Variants in TENM4 observed in about 807,000 individuals in gnomAD.
TENM4 encodes the protein teneurin-4.
Under a neutral mutation model 243.3 loss-of-function variants are expected in TENM4, and 82 were observed. That is an observed-to-expected ratio of 0.34 (90% CI 0.28 to 0.40). TENM4 has a LOEUF of 0.40. Ranked by LOEUF, TENM4 falls within the 10% of genes least tolerant of loss-of-function variation. The pLI, the probability that TENM4 is intolerant of heterozygous loss-of-function variation, is 1.00. For synonymous variants in TENM4, 1,412 were observed against 1,456.3 expected, an observed-to-expected ratio of 0.97 and a Z score of 0.69; for missense variants, 3,138 against 3,673.3, an observed-to-expected ratio of 0.85 and a Z score of 3.77.
chr11:79,164,515 A>G (rs1463606006), intron 3 of TENM4, among the ~76,000 whole-genome samples: 1 of 140,970 alleles, frequency 7.1e-6, no homozygotes, highest in African/African-American at 2.7e-5. Flanking sequence ...TACACTATAC[A>G]TACTATATAT....
At chr11:79,437,677 G>A (rs868135762) in intron 1 of TENM4, among the ~76,000 whole-genome samples, 2 of 152,208 alleles carry the variant, frequency 1.3e-5, no homozygotes, top group African/African-American at 2.4e-5. Context: ...GGCCACGAGG[G>A]GCTGGGGCGA....
At chr11:79,118,906 C>A (rs1342878559) in intron 4 of TENM4, among the ~76,000 whole-genome samples, 1 of 152,100 alleles carries the variant, frequency 6.6e-6, no homozygotes, top group Non-Finnish European at 1.5e-5. Context: ...GCTTTTAATT[C>A]TTTTGGGTTC....
chr11:79,244,262 C>T (rs1056010706), intron 2 of TENM4, among the ~76,000 whole-genome samples: 15 of 152,152 alleles, frequency 9.9e-5, no homozygotes, highest in African/African-American at 3.4e-4. Flanking sequence ...GTGGCTCCAC[C>T]GGGGGTGAGC....
chr11:78,960,576 C>T (rs1857298214), intron 6 of TENM4, among the ~76,000 whole-genome samples: 1 of 152,164 alleles, frequency 6.6e-6, no homozygotes, highest in Admixed American at 6.5e-5. Context: ...TTGTCCCCAC[C>T]TCAAGTTCTT....
intron 6 of TENM4, among the ~76,000 whole-genome samples, chr11:79,052,636 G>A (rs1210784376): frequency 1.3e-5 from 2 of 152,152 alleles, no homozygotes; most frequent in African/African-American, 2.4e-5. Flanking sequence ...GGGATGTGGC[G>A]AGGGAGGGAG....
At chr11:79,098,226 C>T (rs865964190) in intron 4 of TENM4, among the ~76,000 whole-genome samples, 5 of 151,562 alleles carry the variant, frequency 3.3e-5, no homozygotes, top group African/African-American at 7.3e-5. Context: ...CCCCCACCCC[C>T]CCCCATCTCC....
At chr11:79,019,383 A>G (rs749601520) in intron 6 of TENM4, among the ~76,000 whole-genome samples, 23 of 152,192 alleles carry the variant, frequency 1.5e-4, no homozygotes, top group Non-Finnish European at 2.8e-4. Context: ...TGGAGGTCAC[A>G]GAGTAGAAGA....
chr11:79,206,086 T>G (rs1863845850), intron 3 of TENM4, among the ~76,000 whole-genome samples: 1 of 152,214 alleles, frequency 6.6e-6, no homozygotes, highest in Admixed American at 6.5e-5. Flanking sequence ...TCTGGGCAAG[T>G]GCTTAGGGAA....
At chr11:79,049,034 A>C (rs1260059398) in intron 6 of TENM4, among the ~76,000 whole-genome samples, 1 of 152,186 alleles carries the variant, frequency 6.6e-6, no homozygotes, top group Non-Finnish European at 1.5e-5. Context: ...ATGTATGCCT[A>C]CGTAGGTGTC....
At chr11:79,207,312 T>A (rs915311460) in intron 3 of TENM4, among the ~76,000 whole-genome samples, 7 of 152,174 alleles carry the variant, frequency 4.6e-5, no homozygotes, top group African/African-American at 1.7e-4. Flanking sequence ...AATAATAATA[T>A]CCCAACTAAC....
chr11:78,844,371 C>T (rs753950474), intron 12 of TENM4, among the ~76,000 whole-genome samples: 12 of 152,128 alleles, frequency 7.9e-5, no homozygotes, highest in South Asian at 2.1e-4. Flanking sequence ...AGGCCGGGTG[C>T]GGTGGCTCAT....
At chr11:78,955,059 C>G (rs1052053979) in intron 6 of TENM4, among the ~76,000 whole-genome samples, 4 of 152,222 alleles carry the variant, frequency 2.6e-5, no homozygotes, top group African/African-American at 9.6e-5. Context: ...ACTGAGCTCA[C>G]ATGATAGCAG....
chr11:79,426,371 C>G (rs1380188038), intron 1 of TENM4, among the ~76,000 whole-genome samples: 1 of 152,150 alleles, frequency 6.6e-6, no homozygotes, highest in Non-Finnish European at 1.5e-5. Context: ...CTCCCTGACT[C>G]ACTGGTAGAG....
intron 1 of TENM4, among the ~76,000 whole-genome samples, chr11:79,379,431 A>G (rs964688714): frequency 6.6e-6 from 1 of 152,172 alleles, no homozygotes; most frequent in Non-Finnish European, 1.5e-5. Flanking sequence ...CGTAGAGTGG[A>G]AACAGGACCC....
chr11:79,022,223 C>T (rs536053936), intron 6 of TENM4, among the ~76,000 whole-genome samples: 31 of 152,266 alleles, frequency 2.0e-4, no homozygotes, highest in African/African-American at 7.5e-4. Flanking sequence ...TCACAGCAAC[C>T]TTGGAAGATG....
intron 6 of TENM4, among the ~76,000 whole-genome samples, chr11:78,947,873 A>G (rs1238922343): frequency 6.6e-6 from 1 of 152,166 alleles, no homozygotes; most frequent in African/African-American, 2.4e-5. Context: ...CACAACTGCC[A>G]AACCATCGGT....
At chr11:78,687,224 C>T (rs57826820) in intron 29 of TENM4, among the ~76,000 whole-genome samples, 2,693 of 152,120 alleles carry the variant, frequency 0.018, 77 homozygotes, top group African/African-American at 0.062. Context: ...TGCTCCACCC[C>T]ATTCCACACA....
intron 2 of TENM4, among the ~76,000 whole-genome samples, chr11:79,247,947 G>T (rs1229778007): frequency 6.6e-6 from 1 of 152,200 alleles, no homozygotes; most frequent in Non-Finnish European, 1.5e-5. Flanking sequence ...AGTAGCCCTT[G>T]CCTGTGGCCA....
At chr11:79,072,379 C>A (rs1182439407) in intron 4 of TENM4, among the ~76,000 whole-genome samples, 1 of 151,888 alleles carries the variant, frequency 6.6e-6, no homozygotes, top group Non-Finnish European at 1.5e-5. Context: ...CTCAGCTACT[C>A]AGGAGGCTGA....
Sources: allele counts gnomAD v4.1 joint callset (sites outside exome capture counted in the v4.1 genomes callset), GRCh38; gene constraint gnomAD v4.1.1; transcripts MANE v1.5; gene names NCBI Gene and HGNC (gene_info 2026-07-23, HGNC 2026-07-21).